MYCBP2: variants seen among roughly 807,000 people sequenced by gnomAD.
The protein encoded by MYCBP2 is E3 ubiquitin-protein ligase MYCBP2.
In MYCBP2, 120 loss-of-function variants were observed where a neutral mutation model predicts 525.3. The ratio of observed to expected loss-of-function variants is 0.23; its 90% confidence interval spans 0.20 to 0.27. MYCBP2 has a LOEUF of 0.27. Among genes scored for constraint, MYCBP2 ranks in the 10% least tolerant of loss-of-function variants. The probability of loss-of-function intolerance (pLI) is 1.00; values close to 1 mark genes in which losing one functional copy is unlikely to be tolerated. For synonymous variants in MYCBP2, 1,894 were observed against 1,955.8 expected (o/e 0.97, Z 0.83); for missense variants, 4,149 against 5,657.1 (o/e 0.73, Z 8.55).
chr13:77,222,202 G>A (rs1302598805), intron 20 of MYCBP2, among the ~76,000 whole-genome samples: 5 of 152,152 alleles, frequency 3.3e-5, no homozygotes, highest in Non-Finnish European at 7.3e-5. Flanking sequence ...CAAAATATCA[G>A]TTGGCATCTA....
At chr13:77,198,920 T>A (rs577110837) in intron 26 of MYCBP2, among the ~76,000 whole-genome samples, 1 of 152,254 alleles carries the variant, frequency 6.6e-6, no homozygotes, top group African/African-American at 2.4e-5. Context: ...GACTGAGATA[T>A]AGTCTTTCTT....
intron 5 of MYCBP2, among the ~76,000 whole-genome samples, chr13:77,272,979 A>G (rs1344814338): frequency 6.6e-6 from 1 of 152,254 alleles, no homozygotes; most frequent in African/African-American, 2.4e-5. Context: ...TGTTTGTTCC[A>G]CAACTGAATA....
In MYCBP2 at chr13:77,126,538, G is replaced by C; in HGVS notation, c.7664C>G (p.Ser2555Cys). ...GAAAAAGTCATCAGTATTAGTTTTAGATTCCTGAAAATTTGAATAGGAAAG... is the reference window on the plus strand; with the variant it reads ...GAAAAAGTCATCAGTATTAGTTTTACATTCCTGAAAATTTGAATAGGAAAG... ...GKSLLVPVDE[S>C]KTNTDDFFKD... Residue 2555 changes from serine to cysteine, a missense_variant, in exon 53 of 83, where the codon TCT (serine) becomes TGT (cysteine). Transcript: ENST00000544440. 2.5e-6 allele frequency: 4 copies of C among 1,610,222 alleles called. No individual in the cohort carries two copies. The highest frequency in any genetic ancestry group is 3.4e-6 in the Non-Finnish European group (4 of 1,178,202).
chr13:77,139,424 T>C (rs2054249723), intron 51 of MYCBP2, 88 bp from the exon 52 acceptor site: 3 of 1,396,860 alleles, frequency 2.1e-6, no homozygotes. Flanking sequence ...AGCAGAAAAA[T>C]GATGGTGCAT....
intron 1 of MYCBP2, among the ~76,000 whole-genome samples, chr13:77,302,519 T>C (rs948210415): frequency 3.3e-5 from 5 of 152,220 alleles, no homozygotes; most frequent in African/African-American, 1.2e-4. Context: ...AAAGCTGATA[T>C]AATTCACATA....
In MYCBP2 at chr13:77,045,508, AG is replaced by A; in HGVS notation, c.13922-16del. The A allele has an allele frequency of 2.6e-6, 4 of 1,526,840 alleles. No homozygotes were observed. Among genetic ancestry groups the A allele is most frequent in the Non-Finnish European group, 3.6e-6 (4 of 1,102,332 alleles). 94.6% of individuals were successfully genotyped at this position (1,526,840 alleles called of 1,614,324 possible). On this transcript the variant is annotated splice_polypyrimidine_tract_variant and intron_variant, in intron 82 of 82. Coordinates refer to ENST00000544440, the MANE Select transcript of MYCBP2 (RefSeq NM_015057.5). ...GCCTTTGGGACCTGTATAAATTTGA[AG>A]GAGGCAAAGGAAAATAATGTTTTAA...
chr13:77,264,657 C>T (rs1193576572), intron 8 of MYCBP2, among the ~76,000 whole-genome samples: 4 of 152,178 alleles, frequency 2.6e-5, no homozygotes, highest in African/African-American at 9.6e-5. Context: ...TTCATCAATA[C>T]TGCATGTATC....
intron 68 of MYCBP2, among the ~76,000 whole-genome samples, chr13:77,075,199 C>T (rs2042070885): frequency 6.6e-6 from 1 of 152,032 alleles, no homozygotes; most frequent in South Asian, 2.1e-4. Context: ...CAGAGAGAGA[C>T]CCGGTCTCAA....
intron 1 of MYCBP2, among the ~76,000 whole-genome samples, chr13:77,319,165 C>T (rs1253673014): frequency 1.3e-5 from 2 of 152,058 alleles, no homozygotes; most frequent in African/African-American, 4.8e-5. Flanking sequence ...AGATCCAGCA[C>T]CCCGAACTAG....
At position 77,097,973 on chromosome 13, in the gene MYCBP2, G is replaced by C. The variant is rs1381654405; in HGVS notation, c.9181C>G (p.Leu3061Val). 2 of 1,613,470 alleles carry C rather than the reference G, an allele frequency of 1.2e-6. No homozygotes were observed. Among genetic ancestry groups the C allele is most frequent in the Non-Finnish European group, 8.5e-7 (1 of 1,179,782 alleles). Residue 3061 changes from leucine to valine, a missense_variant, in exon 56 of 83, where the codon CTT becomes GTT. By Grantham distance (32) the Leu-to-Val change is conservative (BLOSUM62 1). Around this residue, in one of 21 missense-constraint regions of MYCBP2, gnomAD observed 653 missense variants for 744.7 expected, o/e 0.88. Coordinates refer to ENST00000544440, the MANE Select transcript of MYCBP2 (RefSeq NM_015057.5). ...CSSFLKFHPE[L>V]SKEHAPIRSS... ...CTTATAGGAGCATGTTCTTTGGAAAGTTCAGGATGAAACTTTAGGAAAGAA... is the reference window on the plus strand; with the variant it reads ...CTTATAGGAGCATGTTCTTTGGAAACTTCAGGATGAAACTTTAGGAAAGAA...
chr13:77,133,890 T>C (rs2053318932), intron 52 of MYCBP2, among the ~76,000 whole-genome samples: 1 of 152,200 alleles, frequency 6.6e-6, no homozygotes, highest in Admixed American at 6.5e-5. Context: ...ATGGTATGTC[T>C]ACCACATTAC....
rs78322020 is a variant in MYCBP2 at position 77,218,233 on chromosome 13, A to G, written c.2940-276T>C. On this transcript the variant is annotated intron_variant, in intron 20 of 82. Coordinates refer to ENST00000544440, the MANE Select transcript of MYCBP2 (RefSeq NM_015057.5). ...TAATAATTTCTGAAAAACTGGTGCT[A>G]CATTTATTTTTAATCTGGTACTCTG... 2.4e-4 allele frequency among the ~76,000 whole-genome samples: 37 copies of G among 152,304 alleles called. 1 individual carries two copies. The East Asian group carries it at 5.0e-3, about 21-fold the overall frequency.
intron 26 of MYCBP2, among the ~76,000 whole-genome samples, chr13:77,196,935 C>T (rs540593915): frequency 1.9e-4 from 29 of 152,158 alleles, no homozygotes; most frequent in Non-Finnish European, 3.1e-4. Context: ...AAACTGAGTT[C>T]TTGGCACTCC....
chr13:77,221,248 T>TTTATTGAGCTACAATATTGA (rs1041456167), intron 20 of MYCBP2, among the ~76,000 whole-genome samples: 8 of 152,324 alleles, frequency 5.3e-5, no homozygotes, highest in African/African-American at 1.7e-4. Context: ...TTGAGCATAT[T>TTTATTGAGCTACAATATTGA]GCTACAATAT....
intron 15 of MYCBP2, among the ~76,000 whole-genome samples, chr13:77,250,799 C>A (rs2071075981): frequency 6.6e-6 from 1 of 152,050 alleles, no homozygotes; most frequent in Non-Finnish European, 1.5e-5. Context: ...AGAAAAGATT[C>A]ATGTTCAACA....
chr13:77,316,227 CA>C (rs927112272), intron 1 of MYCBP2, among the ~76,000 whole-genome samples: 2 of 152,072 alleles, frequency 1.3e-5, no homozygotes, highest in Non-Finnish European at 2.9e-5. Flanking sequence ...ATCAGAGATA[CA>C]AGGTTAACAT....
intron 48 of MYCBP2, among the ~76,000 whole-genome samples, chr13:77,145,152 T>G (rs2055324190): frequency 6.6e-6 from 1 of 152,176 alleles, no homozygotes; most frequent in South Asian, 2.1e-4. Context: ...TTTCCACAAT[T>G]TATCCTTATT....
At chr13:77,065,015 A>G (rs182079278) in intron 72 of MYCBP2, among the ~76,000 whole-genome samples, 128 of 152,320 alleles carry the variant, frequency 8.4e-4, no homozygotes, top group African/African-American at 2.7e-3. Context: ...CTCACATCTG[A>G]TAAAAACATA....
At chr13:77,139,158 TG>T in intron 52 of MYCBP2, 37 bp downstream of exon 52, 1 of 1,591,654 alleles carries the variant, frequency 6.3e-7, no homozygotes, top group South Asian at 1.1e-5. Flanking sequence ...ACAAACAGCG[TG>T]TATCTATAAT....
Sources: gnomAD v4.1 joint callset for allele counts (sites outside exome capture counted in the v4.1 genomes callset) on GRCh38, gnomAD v4.1.1 for gene constraint, gnomAD v4.1.1 regional missense constraint, MANE v1.5 for transcripts, NCBI Gene and HGNC (gene_info 2026-07-23, HGNC 2026-07-21) for gene names.